CHIC1: variants seen among roughly 807,000 people sequenced by gnomAD.
CHIC1 encodes the protein cysteine rich hydrophobic domain 1, also known as cysteine-rich hydrophobic domain-containing protein 1.
A neutral mutation model predicts 18.5 loss-of-function variants in CHIC1; 7 were observed. That is an observed-to-expected ratio of 0.38 (90% CI 0.22 to 0.71). CHIC1 has a LOEUF of 0.71. Ranked by LOEUF, CHIC1 falls within the 30% of genes least tolerant of loss-of-function variation. The pLI is 0.49. For missense variants in CHIC1, 159 were observed against 176.9 expected, an observed-to-expected ratio of 0.90 and a Z score of 0.57; for synonymous variants, 77 against 73.5, an observed-to-expected ratio of 1.05 and a Z score of -0.25.
chrX:73,568,547 TTTC>T (rs1388553370), intron 1 of CHIC1, among the ~76,000 whole-genome samples: 2 of 111,670 alleles, frequency 1.8e-5, no homozygotes, highest in Admixed American at 9.5e-5. Context: ...CAGTATCACA[TTTC>T]TTCTTGATAT....
chrX:73,642,922 A>G (rs1454276526), intron 3 of CHIC1, among the ~76,000 whole-genome samples: 1 of 110,083 alleles, frequency 9.1e-6, no homozygotes, highest in Non-Finnish European at 1.9e-5. Flanking sequence ...TGGTTACTGT[A>G]GCCTTGTAGT....
At chrX:73,565,749 T>C (rs181491110) in intron 1 of CHIC1, among the ~76,000 whole-genome samples, 18 of 111,691 alleles carry the variant, frequency 1.6e-4, no homozygotes, top group African/African-American at 4.9e-4. Flanking sequence ...TAGGTAATCT[T>C]ATTCTGCGAC....
At chrX:73,618,506 G>A (rs2057743845) in intron 3 of CHIC1, among the ~76,000 whole-genome samples, 1 of 111,187 alleles carries the variant, frequency 9.0e-6, no homozygotes, top group Non-Finnish European at 1.9e-5. Flanking sequence ...TGTTCCCAGG[G>A]GATTATGGTT....
At chrX:73,590,711 T>C (rs941877227) in intron 3 of CHIC1, among the ~76,000 whole-genome samples, 4 of 111,824 alleles carry the variant, frequency 3.6e-5, no homozygotes, top group Non-Finnish European at 7.6e-5. Context: ...GTTGAAATTA[T>C]ATAGAATATA....
chrX:73,607,331 C>T (rs2057687978), intron 3 of CHIC1, among the ~76,000 whole-genome samples: 1 of 107,915 alleles, frequency 9.3e-6, no homozygotes, highest in African/African-American at 3.6e-5. Flanking sequence ...TGCCCCTTCC[C>T]CCACCAAGCT....
chrX:73,625,981 G>T (rs996440682), intron 3 of CHIC1, among the ~76,000 whole-genome samples: 1 of 110,494 alleles, frequency 9.1e-6, no homozygotes, highest in African/African-American at 3.3e-5. Flanking sequence ...TTTCCTTTGG[G>T]TCGGGGGTCT....
In CHIC1 at chrX:73,638,199, G is replaced by T. The variant is rs192918174; in HGVS notation, c.508-41127G>T. Reference sequence around the variant, plus strand: ...TCATCTTTGGAACTTTAGCTGGTCTGTTTTTATGTATTGACTTGTAATCTC... The same window carrying T: ...TCATCTTTGGAACTTTAGCTGGTCTTTTTTTATGTATTGACTTGTAATCTC... On this transcript the variant is annotated intron_variant, in intron 3 of 5. Transcript: ENST00000373502. Among the ~76,000 whole-genome samples the T allele has an allele frequency of 4.4e-3, 490 of 111,607 alleles. 1 individual carries two copies. Among genetic ancestry groups the T allele is most frequent in the Middle Eastern group, 9.2e-3 (2 of 218 alleles).
chrX:73,683,262 C>G lies in CHIC1; in HGVS notation c.*2257C>G, dbSNP rs1044319385. 2 of 111,446 alleles carry G rather than the reference C, an allele frequency of 1.8e-5. No individual in the cohort carries two copies. The highest frequency in any genetic ancestry group is 3.8e-5 in the Non-Finnish European group (2 of 52,847). 9.2% of individuals were successfully genotyped at this position (111,446 alleles called of 1,213,427 possible). A position where few individuals can be genotyped will look rare whatever the true frequency, so the allele number is the denominator to read the frequency against. ...AATTTTAAAGCCTATTCTAATCACT[C>G]GAGTTTATTATTTTATTGTTCGCTA... On this transcript the variant is annotated 3_prime_UTR_variant, in exon 6 of 6. Coordinates refer to ENST00000373502, the MANE Select transcript of CHIC1 (RefSeq NM_001039840.4).
intron 3 of CHIC1, among the ~76,000 whole-genome samples, chrX:73,657,123 G>A (rs1347619965): frequency 2.9e-5 from 3 of 103,987 alleles, no homozygotes; most frequent in South Asian, 4.4e-4. Context: ...GCAGTGGCAC[G>A]ATCTCGGCTC....
intron 3 of CHIC1, among the ~76,000 whole-genome samples, chrX:73,655,432 GTA>G (rs1231363053): frequency 1.6e-5 from 1 of 64,468 alleles, no homozygotes; most frequent in Non-Finnish European, 2.8e-5. Context: ...TATAGTGTGT[GTA>G]TATATATACA....
At chrX:73,648,443 C>G (rs1339246778) in intron 3 of CHIC1, among the ~76,000 whole-genome samples, 1 of 111,386 alleles carries the variant, frequency 9.0e-6, no homozygotes, top group Non-Finnish European at 1.9e-5. Flanking sequence ...ATATTTTAAC[C>G]CAATGCAAAG....
At chrX:73,644,416 G>C (rs1042146613) in intron 3 of CHIC1, among the ~76,000 whole-genome samples, 7 of 112,303 alleles carry the variant, frequency 6.2e-5, no homozygotes, top group African/African-American at 2.3e-4. Context: ...AAAGCTGTCA[G>C]ACAGGGACAT....
intron 3 of CHIC1, among the ~76,000 whole-genome samples, chrX:73,623,095 A>C (rs1484208810): frequency 1.8e-5 from 2 of 111,569 alleles, no homozygotes; most frequent in Non-Finnish European, 3.8e-5. Flanking sequence ...GTAGTGTTTT[A>C]CTTCCAATTA....
rs180773709 is a variant in CHIC1, at chrX:73,644,342, T to A, written c.508-34984T>A. On this transcript the variant is annotated intron_variant, in intron 3 of 5. Transcript: ENST00000373502. ...GCTGCTCGGGGGTCAGGGACCCACT[T>A]GAGGAGGCAGTCTGCCCGTTCTCAG... Among the ~76,000 whole-genome samples, 810 of 112,264 alleles carry A rather than the reference T, an allele frequency of 7.2e-3. 7 individuals carry two copies. Among genetic ancestry groups the A allele is most frequent in the African/African-American group, 0.026 (798 of 30,887 alleles).
In CHIC1 at chrX:73,624,511, G is replaced by A. The variant is rs919230688; in HGVS notation, c.507+39939G>A. 8.9e-5 allele frequency among the ~76,000 whole-genome samples: 10 copies of A among 112,279 alleles called. No homozygotes were observed. The East Asian group carries it at 1.7e-3, about 19-fold the overall frequency. ...GAAACTAATAAGCCTTAGCTACTAAGCTACAGCACTGGACAGTTCTATTGC... is the reference window on the plus strand; with the variant it reads ...GAAACTAATAAGCCTTAGCTACTAAACTACAGCACTGGACAGTTCTATTGC... On this transcript the variant is annotated intron_variant, in intron 3 of 5. Coordinates refer to ENST00000373502, the MANE Select transcript of CHIC1 (RefSeq NM_001039840.4).
chrX:73,659,855 A>C (rs758652783), intron 3 of CHIC1, among the ~76,000 whole-genome samples: 4 of 111,737 alleles, frequency 3.6e-5, no homozygotes, highest in Non-Finnish European at 7.5e-5. Flanking sequence ...CATGGACTCT[A>C]CTTGGGGTCT....
In CHIC1 at chrX:73,686,200, GA is replaced by G. The variant is rs967275387; in HGVS notation, c.*5197del. On this transcript the variant is annotated 3_prime_UTR_variant, in exon 6 of 6. Transcript: ENST00000373502. ...GGGATTCTTATGGTGAAAATGTTGG[GA>G]ACCACTTTTATAAAGGAACTAAGAT... The G allele has an allele frequency of 1.8e-5, 2 of 111,103 alleles. No homozygotes were observed. Among genetic ancestry groups the G allele is most frequent in the Admixed American group, 1.9e-4 (2 of 10,389 alleles). The allele number at this position is 111,103 out of a possible 1,213,427, so 9.2% of individuals were successfully genotyped here.
At chrX:73,677,358 C>A (rs781649553) in intron 3 of CHIC1, among the ~76,000 whole-genome samples, 2 of 112,222 alleles carry the variant, frequency 1.8e-5, no homozygotes, top group South Asian at 7.5e-4. Flanking sequence ...AGGCAGGCCT[C>A]CTTGAGCTGT....
chrX:73,638,290 C>G (rs892626683), intron 3 of CHIC1, among the ~76,000 whole-genome samples: 2 of 111,232 alleles, frequency 1.8e-5, no homozygotes, highest in Non-Finnish European at 3.8e-5. Context: ...TTCTGCTTTC[C>G]CCACCTGAGA....
Sources: gnomAD v4.1 joint callset for allele counts (sites outside exome capture counted in the v4.1 genomes callset) on GRCh38, gnomAD v4.1.1 for gene constraint, MANE v1.5 for transcripts, NCBI Gene and HGNC (gene_info 2026-07-23, HGNC 2026-07-21) for gene names.